DOCK3: variants seen among roughly 807,000 people sequenced by gnomAD.
The protein encoded by DOCK3 is dedicator of cytokinesis protein 3.
DOCK3 carries 60 observed loss-of-function variants against 265.6 expected under a neutral mutation model. The observed-to-expected ratio is 0.23, with a 90% CI of 0.18 to 0.28. The LOEUF is 0.28. DOCK3 is among the 10% of genes least tolerant of loss of function. The pLI, the probability that DOCK3 is intolerant of heterozygous loss-of-function variation, is 1.00. For missense variants in DOCK3, 1,981 were observed against 2,594.3 expected, an observed-to-expected ratio of 0.76 and a Z score of 5.14; for synonymous variants, 881 against 938.0, an observed-to-expected ratio of 0.94 and a Z score of 1.11.
At chr3:51,036,163 C>T (rs1428177222) in intron 5 of DOCK3, among the ~76,000 whole-genome samples, 5 of 152,188 alleles carry the variant, frequency 3.3e-5, no homozygotes, top group Non-Finnish European at 7.3e-5. Flanking sequence ...ATTCAGTCTT[C>T]AGAACTCTCA....
At chr3:51,244,301 C>G (rs929083261) in intron 21 of DOCK3, among the ~76,000 whole-genome samples, 1 of 151,662 alleles carries the variant, frequency 6.6e-6, no homozygotes. Context: ...GCATTTACAT[C>G]TTTAATAACA....
At chr3:50,831,215 TTA>T (rs371783990) in intron 2 of DOCK3, among the ~76,000 whole-genome samples, 2 of 149,662 alleles carry the variant, frequency 1.3e-5, no homozygotes, top group East Asian at 1.9e-4. Context: ...ATTTATTTAT[TTA>T]TTTATTTATT....
chr3:50,729,005 T>G (rs1271439916), intron 1 of DOCK3, among the ~76,000 whole-genome samples: 3 of 139,850 alleles, frequency 2.1e-5, no homozygotes, highest in Admixed American at 2.1e-4. Flanking sequence ...ATTACAGGTG[T>G]GAGCCACCGT....
chr3:50,861,644 T>TG (rs1162105856), intron 3 of DOCK3, among the ~76,000 whole-genome samples: 4 of 152,204 alleles, frequency 2.6e-5, no homozygotes, highest in Admixed American at 6.5e-5. Flanking sequence ...AGTTAAATCT[T>TG]CTTTTGAATT....
At chr3:50,709,752 C>G (rs1905516) in intron 1 of DOCK3, among the ~76,000 whole-genome samples, 149,096 of 152,290 alleles carry the variant, frequency 0.98, 73,072 homozygotes, top group Middle Eastern at 1. Context: ...CTTGAACCCG[C>G]GAGGTGGAGG....
chr3:51,059,127 A>G (rs1343799561), intron 5 of DOCK3, among the ~76,000 whole-genome samples: 1 of 152,058 alleles, frequency 6.6e-6, no homozygotes, highest in Admixed American at 6.6e-5. Flanking sequence ...TGTTGTTTTT[A>G]TATTCATGAG....
intron 3 of DOCK3, chr3:50,877,206 T>C (rs923920922): frequency 1.6e-5 from 5 of 309,228 alleles, no homozygotes; most frequent in Non-Finnish European, 3.2e-5. Flanking sequence ...CTGGCTTCTT[T>C]CTCCCTCTGA....
chr3:51,346,145 A>G (rs1161417455), intron 38 of DOCK3, among the ~76,000 whole-genome samples: 1 of 152,066 alleles, frequency 6.6e-6, no homozygotes, highest in African/African-American at 2.4e-5. Context: ...AGAGGTATAT[A>G]TATTTTTAAT....
At chr3:51,276,067 C>G (rs1465154553) in intron 25 of DOCK3, among the ~76,000 whole-genome samples, 2 of 152,022 alleles carry the variant, frequency 1.3e-5, no homozygotes, top group African/African-American at 2.4e-5. Context: ...AGGGCAGTTG[C>G]CAGGTGATAA....
intron 5 of DOCK3, among the ~76,000 whole-genome samples, chr3:50,985,242 A>G (rs1360264447): frequency 6.6e-6 from 1 of 152,226 alleles, no homozygotes; most frequent in Non-Finnish European, 1.5e-5. Context: ...TGTATTGCAC[A>G]TATGCTTTTA....
chr3:51,125,073 G>A (rs1397533338), intron 9 of DOCK3, among the ~76,000 whole-genome samples: 1 of 151,816 alleles, frequency 6.6e-6, no homozygotes, highest in Non-Finnish European at 1.5e-5. Flanking sequence ...TAGGAGCCGA[G>A]ATCACGCCAC....
At chr3:50,793,479 C>G (rs771466543) in intron 2 of DOCK3, among the ~76,000 whole-genome samples, 2 of 151,658 alleles carry the variant, frequency 1.3e-5, no homozygotes, top group African/African-American at 4.8e-5. Context: ...CTGCCTCAGC[C>G]TCCCGTAGGT....
chr3:51,216,988 C>T (rs1417044860), intron 14 of DOCK3, among the ~76,000 whole-genome samples: 1 of 152,122 alleles, frequency 6.6e-6, no homozygotes, highest in African/African-American at 2.4e-5. Context: ...GACCCATGAA[C>T]ACGTGGAGAT....
chr3:51,358,185 G>A lies in DOCK3; in HGVS notation c.4884+108G>A, dbSNP rs1262471023. The A allele has an allele frequency of 3.5e-6, 4 of 1,146,530 alleles. No individual in the cohort carries two copies. In the East Asian group the frequency reaches 7.4e-5, roughly 21 times the overall value. 71.0% of individuals were successfully genotyped at this position (1,146,530 alleles called of 1,614,324 possible). ...TAGGAGAGAGGGAGCCTGGGCAGGG[G>A]CCGGGGTTGGGGAGAGAGGCTGTCC... On this transcript the variant is annotated intron_variant, in intron 46 of 52. Transcript: ENST00000266037.
At chr3:50,713,261 C>T (rs764418523) in intron 1 of DOCK3, among the ~76,000 whole-genome samples, 10 of 152,268 alleles carry the variant, frequency 6.6e-5, no homozygotes, top group East Asian at 3.9e-4. Flanking sequence ...TATTTTTCTC[C>T]AGGGGTATGT....
intron 12 of DOCK3, among the ~76,000 whole-genome samples, chr3:51,193,667 T>G (rs2088087251): frequency 6.6e-6 from 1 of 152,080 alleles, no homozygotes; most frequent in Non-Finnish European, 1.5e-5. Context: ...TTTAGGAATT[T>G]ATTTATTTTC....
intron 3 of DOCK3, among the ~76,000 whole-genome samples, chr3:50,877,834 T>A (rs1416302037): frequency 6.6e-6 from 1 of 152,066 alleles, no homozygotes; most frequent in Non-Finnish European, 1.5e-5. Context: ...CCACCACGCC[T>A]GGCTAACTGG....
chr3:50,793,573 G>T (rs2042609047), intron 2 of DOCK3, among the ~76,000 whole-genome samples: 1 of 151,756 alleles, frequency 6.6e-6, no homozygotes, highest in Admixed American at 6.6e-5. Flanking sequence ...GGTCAGGCTG[G>T]TCTCGAACTC....
At chr3:50,973,049 CTTTTTTTTTT>C (rs71858027) in intron 5 of DOCK3, among the ~76,000 whole-genome samples, 11 of 19,022 alleles carry the variant, frequency 5.8e-4, no homozygotes, top group East Asian at 4.1e-3. Context: ...CAGTGTGTTT[CTTTTTTTTTT>C]TTTTTTTTTT....
Sources: gnomAD v4.1 joint callset for allele counts (sites outside exome capture counted in the v4.1 genomes callset) on GRCh38, gnomAD v4.1.1 for gene constraint, MANE v1.5 for transcripts, NCBI Gene and HGNC (gene_info 2026-07-23, HGNC 2026-07-21) for gene names.